MED13L: variants seen among roughly 807,000 people sequenced by gnomAD.
MED13L encodes mediator of RNA polymerase II transcription subunit 13-like.
A neutral mutation model predicts 220.9 loss-of-function variants in MED13L; 7 were observed. The observed-to-expected ratio is 0.03, with a 90% confidence interval of 0.02 to 0.06. The LOEUF is 0.06. Among genes scored for constraint, MED13L ranks in the 10% least tolerant of loss-of-function variants. MED13L has a pLI of 1.00. For synonymous variants in MED13L, 1,011 were observed against 1,015.2 expected (o/e 1.00, Z 0.08); for missense variants, 1,965 against 2,760.5 (o/e 0.71, Z 6.46).
At chr12:116,019,578 C>T (rs1451628345) in intron 6 of MED13L, among the ~76,000 whole-genome samples, 166 bp from the exon 7 acceptor site, 1 of 152,148 alleles carries the variant, frequency 6.6e-6, no homozygotes, top group Non-Finnish European at 1.5e-5. Flanking sequence ...TGTGTTCCAA[C>T]ATGATGATAA....
intron 4 of MED13L, among the ~76,000 whole-genome samples, chr12:116,030,186 C>G (rs1250119680): frequency 2.0e-5 from 3 of 152,072 alleles, no homozygotes; most frequent in Non-Finnish European, 4.4e-5. Context: ...TAGGTGGTCT[C>G]AAATTTCCGA....
At chr12:116,015,356 T>C (rs1879664170) in intron 7 of MED13L, 82 bp from the exon 8 acceptor site, 4 of 1,437,300 alleles carry the variant, frequency 2.8e-6, no homozygotes, top group South Asian at 2.3e-5. Flanking sequence ...TTAACATAAA[T>C]ATGCATTTTA....
chr12:116,064,828 T>C (rs990246847), intron 4 of MED13L, among the ~76,000 whole-genome samples: 1 of 152,220 alleles, frequency 6.6e-6, no homozygotes, highest in African/African-American at 2.4e-5. Flanking sequence ...TTGTAGAGCA[T>C]GACTCAACTA....
intron 7 of MED13L, among the ~76,000 whole-genome samples, chr12:116,016,939 T>C (rs971444510): frequency 2.0e-5 from 3 of 152,226 alleles, no homozygotes; most frequent in Admixed American, 6.5e-5. Context: ...AAGTAGCCCA[T>C]TCTGTCCTAT....
intron 2 of MED13L, among the ~76,000 whole-genome samples, chr12:116,146,767 C>A (rs1877558815): frequency 6.6e-6 from 1 of 151,892 alleles, no homozygotes; most frequent in Non-Finnish European, 1.5e-5. Context: ...TCTTGGGAGG[C>A]TGAGGCACAA....
intron 1 of MED13L, among the ~76,000 whole-genome samples, chr12:116,272,197 TTAGTTA>T (rs913099725): frequency 1.3e-5 from 2 of 152,276 alleles, no homozygotes; most frequent in South Asian, 4.2e-4. Flanking sequence ...CAAAATTAAC[TTAGTTA>T]TCACAATTTA....
chr12:116,174,274 T>C (rs7969182), intron 2 of MED13L, among the ~76,000 whole-genome samples: 26,254 of 152,076 alleles, frequency 0.17, 2,491 homozygotes, highest in Middle Eastern at 0.28. Context: ...AGATGCAAGG[T>C]TTCTTTTGGA....
At chr12:116,104,052 C>G (rs1025057010) in intron 3 of MED13L, among the ~76,000 whole-genome samples, 5 of 138,212 alleles carry the variant, frequency 3.6e-5, no homozygotes, top group Non-Finnish European at 6.1e-5. Context: ...CTCTTGTCGC[C>G]CAGACTGGAG....
chr12:116,133,078 A>T (rs1876221371), intron 2 of MED13L, among the ~76,000 whole-genome samples: 1 of 152,246 alleles, frequency 6.6e-6, no homozygotes, highest in African/African-American at 2.4e-5. Context: ...TACTACTGAT[A>T]ACACCAGGCA....
chr12:116,156,780 G>A (rs1878475920), intron 2 of MED13L, among the ~76,000 whole-genome samples: 1 of 152,096 alleles, frequency 6.6e-6, no homozygotes, highest in Non-Finnish European at 1.5e-5. Context: ...CTAAAGTAGG[G>A]GTGGCCATTA....
At chr12:116,221,116 T>G (rs1386365196) in intron 2 of MED13L, among the ~76,000 whole-genome samples, 1 of 152,114 alleles carries the variant, frequency 6.6e-6, no homozygotes. Flanking sequence ...GGCTCATGTG[T>G]GTAATCTCAA....
chr12:116,091,120 CAAAAA>C (rs5801163), intron 4 of MED13L, among the ~76,000 whole-genome samples: 1 of 87,408 alleles, frequency 1.1e-5, no homozygotes, highest in Admixed American at 1.3e-4. Flanking sequence ...AACTCTGTCT[CAAAAA>C]AAAAAAAAAA....
At chr12:116,120,473 T>A (rs866579575) in intron 2 of MED13L, among the ~76,000 whole-genome samples, 2,568 of 100,698 alleles carry the variant, frequency 0.026, 30 homozygotes, top group East Asian at 0.12. Flanking sequence ...TCTCTCTCTC[T>A]CTCTCACACA....
rs1191583583 is a variant in MED13L at position 116,007,640 on chromosome 12, A to G, written c.2013-4T>C. ...TTTGTTAGGTTGTGCTAAGAGTCTA[A>G]AAGACAAAAAAAAAAAAAAAAAAAA... is the stretch of plus-strand genomic sequence containing the variant. On this transcript the variant is annotated splice_region_variant and splice_polypyrimidine_tract_variant and intron_variant, in intron 10 of 30. Coordinates refer to ENST00000281928, the MANE Select transcript of MED13L (RefSeq NM_015335.5). 1 of 1,564,776 alleles carries G rather than the reference A, an allele frequency of 6.4e-7. No homozygotes were observed. Among genetic ancestry groups the G allele is most frequent in the Non-Finnish European group, 8.7e-7 (1 of 1,148,764 alleles).
At chr12:116,057,533 T>C (rs1869078105) in intron 4 of MED13L, among the ~76,000 whole-genome samples, 1 of 151,608 alleles carries the variant, frequency 6.6e-6, no homozygotes, top group Admixed American at 6.6e-5. Flanking sequence ...GAGAGAACTT[T>C]CTAGGCAATG....
chr12:115,996,293 T>C (rs544691635), intron 16 of MED13L, among the ~76,000 whole-genome samples, 183 bp downstream of exon 16: 23 of 152,122 alleles, frequency 1.5e-4, no homozygotes, highest in African/African-American at 5.1e-4. Context: ...GGTTTCACCA[T>C]GTTGGCCAGG....
intron 2 of MED13L, among the ~76,000 whole-genome samples, chr12:116,207,542 A>T (rs964076529): frequency 1.1e-4 from 16 of 152,236 alleles, no homozygotes; most frequent in African/African-American, 3.6e-4. Context: ...ATAACAGACA[A>T]CAACAAAAAA....
At chr12:116,022,020 C>A (rs1024771706) in intron 5 of MED13L, among the ~76,000 whole-genome samples, 5 of 152,044 alleles carry the variant, frequency 3.3e-5, no homozygotes, top group African/African-American at 9.7e-5. Flanking sequence ...AATTCTAGAA[C>A]TTTGATTCTG....
intron 2 of MED13L, among the ~76,000 whole-genome samples, chr12:116,133,195 A>G (rs1162404205): frequency 6.6e-6 from 1 of 152,186 alleles, no homozygotes; most frequent in African/African-American, 2.4e-5. Context: ...ATGAGAACCA[A>G]TCTCACCAGA....
Sources: allele counts gnomAD v4.1 joint callset (sites outside exome capture counted in the v4.1 genomes callset), GRCh38; gene constraint gnomAD v4.1.1; transcripts MANE v1.5; gene names NCBI Gene and HGNC (gene_info 2026-07-23, HGNC 2026-07-21).